The following SYNDIG1 variants were observed in gnomAD, a reference collection of about 807,000 sequenced individuals.
SYNDIG1 encodes the protein synapse differentiation inducing 1.
A neutral mutation model predicts 19.4 loss-of-function variants in SYNDIG1; 9 were observed. The ratio of observed to expected loss-of-function variants is 0.46; its 90% confidence interval spans 0.28 to 0.81. SYNDIG1 has a LOEUF of 0.81. Ranked by LOEUF, SYNDIG1 falls within the 30% of genes least tolerant of loss-of-function variation. The probability of loss-of-function intolerance (pLI) is 0.12; values close to 1 mark genes in which losing one functional copy is unlikely to be tolerated. For missense variants in SYNDIG1, 311 were observed against 343.3 expected (o/e 0.91, Z 0.74); for synonymous variants, 141 against 145.9 (o/e 0.97, Z 0.24).
rs201701460 is a variant in SYNDIG1, at chr20:24,585,019, G to A, written c.618+26G>A. On this transcript the variant is annotated intron_variant, in intron 3 of 3. Coordinates refer to ENST00000376862, the MANE Select transcript of SYNDIG1 (RefSeq NM_024893.3). ...GTAAGGCCTCCTTGGTCTGTCGCACGTGGTGTGCAGGTGTTCACAGGGTGG... is the reference window on the plus strand; with the variant it reads ...GTAAGGCCTCCTTGGTCTGTCGCACATGGTGTGCAGGTGTTCACAGGGTGG... 6.0e-5 allele frequency: 96 copies of A among 1,602,356 alleles called. No homozygotes were observed. In the East Asian group the frequency reaches 1.4e-3, roughly 24 times the overall value.
At chr20:24,613,512 C>T (rs979879758) in intron 3 of SYNDIG1, among the ~76,000 whole-genome samples, 5 of 152,096 alleles carry the variant, frequency 3.3e-5, no homozygotes, top group South Asian at 2.1e-4. Context: ...TCAACCCACC[C>T]GTTGTGCCTA....
intron 3 of SYNDIG1, among the ~76,000 whole-genome samples, chr20:24,614,901 C>CAGGT (rs955039759): frequency 6.6e-6 from 1 of 152,056 alleles, no homozygotes; most frequent in African/African-American, 2.4e-5. Context: ...TAGTTTGGAC[C>CAGGT]AGGTGCAGGG....
At chr20:24,640,971 G>A (rs76515599) in intron 3 of SYNDIG1, among the ~76,000 whole-genome samples, 168 of 152,328 alleles carry the variant, frequency 1.1e-3, no homozygotes, top group East Asian at 3.7e-3. Flanking sequence ...ATTGCTCTTC[G>A]TCCCCGGTGG....
chr20:24,550,319 T>C (rs1011024599), intron 2 of SYNDIG1, among the ~76,000 whole-genome samples: 2 of 149,952 alleles, frequency 1.3e-5, no homozygotes, highest in Non-Finnish European at 3.0e-5. Context: ...TCTAATATAC[T>C]GATTTCGTTT....
At chr20:24,538,582 A>G (rs570975224) in intron 1 of SYNDIG1, among the ~76,000 whole-genome samples, 32 of 152,292 alleles carry the variant, frequency 2.1e-4, no homozygotes, top group Admixed American at 1.6e-3. Flanking sequence ...GTATCTCCTC[A>G]AGACCCTGTT....
At chr20:24,519,045 C>T (rs2056948919) in intron 1 of SYNDIG1, among the ~76,000 whole-genome samples, 1 of 152,206 alleles carries the variant, frequency 6.6e-6, no homozygotes, top group African/African-American at 2.4e-5. Context: ...CAGGAATAAA[C>T]TTGAGATATT....
chr20:24,485,993 A>G (rs1270444566), intron 1 of SYNDIG1, among the ~76,000 whole-genome samples: 2 of 152,212 alleles, frequency 1.3e-5, no homozygotes, highest in African/African-American at 4.8e-5. Flanking sequence ...ATGGGGTACA[A>G]TTGAGGATTT....
chr20:24,587,784 A>G (rs1373832849), intron 3 of SYNDIG1, among the ~76,000 whole-genome samples: 1 of 152,206 alleles, frequency 6.6e-6, no homozygotes, highest in Non-Finnish European at 1.5e-5. Context: ...GGTGGAGCTG[A>G]GGCTCTCCAG....
intron 3 of SYNDIG1, among the ~76,000 whole-genome samples, chr20:24,605,066 A>G (rs1010455992): frequency 6.6e-6 from 1 of 152,138 alleles, no homozygotes; most frequent in African/African-American, 2.4e-5. Context: ...GTTGGGGGGC[A>G]TCTGGGTAAA....
rs1405328685 is a variant in SYNDIG1, at chr20:24,529,120, G to A, written c.-78-13900G>A. On this transcript the variant is annotated intron_variant, in intron 1 of 3. Coordinates refer to ENST00000376862, the MANE Select transcript of SYNDIG1 (RefSeq NM_024893.3). ...TCTCTTTCTGTCCTTCAGTGGGTGG[G>A]GAGGAAGACGTCTTGGCTGAGTCTG... 3.9e-5 allele frequency among the ~76,000 whole-genome samples: 6 copies of A among 152,314 alleles called. No individual in the cohort carries two copies. The South Asian group carries it at 6.2e-4, about 16-fold the overall frequency.
chr20:24,534,513 G>A (rs906371866), intron 1 of SYNDIG1, among the ~76,000 whole-genome samples: 17 of 152,192 alleles, frequency 1.1e-4, no homozygotes, highest in Middle Eastern at 3.2e-3. Flanking sequence ...TCCCCCAGCC[G>A]GAACAGTGCC....
At chr20:24,497,319 G>A (rs1160763886) in intron 1 of SYNDIG1, among the ~76,000 whole-genome samples, 3 of 152,082 alleles carry the variant, frequency 2.0e-5, no homozygotes, top group Non-Finnish European at 2.9e-5. Flanking sequence ...TTGTGCCTTG[G>A]CCACACGAGT....
intron 2 of SYNDIG1, among the ~76,000 whole-genome samples, chr20:24,546,877 T>G (rs560070336): frequency 1.3e-5 from 2 of 152,170 alleles, no homozygotes; most frequent in African/African-American, 4.8e-5. Flanking sequence ...CAGAAGGCAG[T>G]TCTACTCAGC....
At chr20:24,631,734 T>TTA (rs950873318) in intron 3 of SYNDIG1, among the ~76,000 whole-genome samples, 22 of 152,224 alleles carry the variant, frequency 1.4e-4, no homozygotes, top group South Asian at 6.2e-4. Context: ...CTTTCTTGAT[T>TTA]TATATATATA....
intron 1 of SYNDIG1, among the ~76,000 whole-genome samples, chr20:24,496,928 A>T (rs2056318385): frequency 6.6e-6 from 1 of 152,062 alleles, no homozygotes; most frequent in South Asian, 2.1e-4. Flanking sequence ...TCCCCCTCAA[A>T]ATCCTCCTGG....
chr20:24,559,123 G>A (rs963601611), intron 2 of SYNDIG1, among the ~76,000 whole-genome samples: 6 of 150,904 alleles, frequency 4.0e-5, no homozygotes, highest in Non-Finnish European at 5.9e-5. Flanking sequence ...TAAAAATGTG[G>A]TATATATATA....
chr20:24,585,840 C>T (rs2058408688), intron 3 of SYNDIG1, among the ~76,000 whole-genome samples: 1 of 152,170 alleles, frequency 6.6e-6, no homozygotes, highest in South Asian at 2.1e-4. Flanking sequence ...TGCTGCGCAC[C>T]CATGGGGTGT....
chr20:24,661,966 T>C (rs2059608822), intron 3 of SYNDIG1, among the ~76,000 whole-genome samples: 2 of 152,020 alleles, frequency 1.3e-5, no homozygotes, highest in South Asian at 4.1e-4. Flanking sequence ...GGAATGCAAA[T>C]TGACTTTGTC....
At chr20:24,559,006 C>A (rs771879768) in intron 2 of SYNDIG1, among the ~76,000 whole-genome samples, 10 of 152,100 alleles carry the variant, frequency 6.6e-5, no homozygotes, top group Non-Finnish European at 1.3e-4. Flanking sequence ...TATCAGAAAT[C>A]AATATATCAA....
Sources: gnomAD v4.1 joint callset for allele counts (sites outside exome capture counted in the v4.1 genomes callset) on GRCh38, gnomAD v4.1.1 for gene constraint, MANE v1.5 for transcripts, NCBI Gene and HGNC (gene_info 2026-07-23, HGNC 2026-07-21) for gene names.